AQP11: variants seen among roughly 807,000 people sequenced by gnomAD.
The protein encoded by AQP11 is aquaporin-11.
Under a neutral mutation model 21.1 loss-of-function variants are expected in AQP11, and 20 were observed. That is an observed-to-expected ratio of 0.95 (90% CI 0.67 to 1.38). The LOEUF is 1.38. Among genes scored for constraint, AQP11 ranks in the 40% most tolerant of loss-of-function variants. The pLI is 0.00. For missense variants in AQP11, 339 were observed against 340.4 expected (o/e 1.00, Z 0.03); for synonymous variants, 167 against 150.1 (o/e 1.11, Z -0.82).
At chr11:77,590,725 G>C in intron 1 of AQP11, 114 bp downstream of exon 1, 1 of 1,503,914 alleles carries the variant, frequency 6.6e-7, no homozygotes, top group Non-Finnish European at 8.8e-7. Context: ...GTAAATGCTG[G>C]TATCCCCGTT....
In AQP11 at chr11:77,590,185, C is replaced by T. The variant is rs1958736664; in HGVS notation, c.193C>T (p.Gln65Ter). ...FQLCCCTHEL[Q>*]LLSEQHPAHP... ...GCTCTGCTGCTGCACCCACGAGCTG[C>T]AACTGCTGAGCGAACAGCACCCCGC... The change falls in exon 1 of 3, where the codon CAA becomes TAA. Residue 65 changes from glutamine to a stop codon, truncating the protein, a stop_gained. Transcript: ENST00000313578. LOFTEE classifies it high-confidence loss of function. 1 of 1,600,422 alleles carries T rather than the reference C, an allele frequency of 6.2e-7. No individual in the cohort carries two copies. Among genetic ancestry groups the T allele is most frequent in the African/African-American group, 1.3e-5 (1 of 74,692 alleles).
intron 2 of AQP11, among the ~76,000 whole-genome samples, chr11:77,604,797 G>A (rs528796321): frequency 6.6e-6 from 1 of 152,254 alleles, no homozygotes; most frequent in Admixed American, 6.5e-5. Context: ...GCCTAAACAT[G>A]AAGAATATCA....
Position 77,591,007 on chromosome 11 carries a change from C to T in AQP11, c.619+396C>T, listed in dbSNP as rs1007224847. ...AAAATGATCCTGGCTTTACAAAGTTCCTTTCGATTTAAAGCACAAGGCACA... is the reference window on the plus strand; with the variant it reads ...AAAATGATCCTGGCTTTACAAAGTTTCTTTCGATTTAAAGCACAAGGCACA... On this transcript the variant is annotated intron_variant, in intron 1 of 2. Transcript: ENST00000313578. The T allele has an allele frequency of 6.1e-6, 6 of 985,240 alleles. No homozygotes were observed. In the South Asian group the frequency reaches 1.9e-4, roughly 31 times the overall value. The allele number at this position is 985,240 out of a possible 1,614,324, so 61.0% of individuals were successfully genotyped here.
chr11:77,590,250 G>A lies in AQP11; in HGVS notation c.258G>A (p.Ser86=), dbSNP rs201408406. The change falls in exon 1 of 3, where the codon TCG becomes TCA. Residue 86 remains serine (S), a synonymous_variant. Transcript: ENST00000313578. ...TWTLTLVYFF[S]LVHGLTLVGT... is the part of the protein sequence containing the mutation. Reference sequence around the variant, plus strand: ...CGCTGACGCTCGTCTACTTCTTCTCGCTTGTGCATGGCCTGACTCTGGTGG... The same window carrying A: ...CGCTGACGCTCGTCTACTTCTTCTCACTTGTGCATGGCCTGACTCTGGTGG... 3.1e-6 allele frequency: 5 copies of A among 1,599,558 alleles called. No homozygotes were observed. The African/African-American group carries it at 4.0e-5, about 13-fold the overall frequency.
At position 77,590,942 on chromosome 11, in the gene AQP11, A is replaced by C. The variant is rs561156665; in HGVS notation, c.619+331A>C. Reference sequence around the variant, plus strand: ...TAACTTATTAACTGCCTCTTTCTTCATGCCAAGGTGGTATAGATCGTTTCG... The same window carrying C: ...TAACTTATTAACTGCCTCTTTCTTCCTGCCAAGGTGGTATAGATCGTTTCG... On this transcript the variant is annotated intron_variant, in intron 1 of 2. Transcript: ENST00000313578. 8 of 985,446 alleles carry C rather than the reference A, an allele frequency of 8.1e-6. No homozygotes were observed. The South Asian group carries it at 3.8e-4, about 46-fold the overall frequency. 61.0% of individuals were successfully genotyped at this position (985,446 alleles called of 1,614,324 possible). A position where few individuals can be genotyped will look rare whatever the true frequency, so the allele number is the denominator to read the frequency against.
In AQP11 at chr11:77,609,393, AG is replaced by A. The variant is rs1958864771; in HGVS notation, c.*17del. On this transcript the variant is annotated 3_prime_UTR_variant, in exon 3 of 3. Transcript: ENST00000313578. The stretch of plus-strand genomic sequence containing the variant: ...AAAGGAATAACTGTTCCAAAGACTC[AG>A]ACTAACATACAGGACAGTCCAGCTG... The A allele has an allele frequency of 1.3e-6, 2 of 1,594,184 alleles. No individual in the cohort carries two copies. Among genetic ancestry groups the A allele is most frequent in the Admixed American group, 1.7e-5 (1 of 59,206 alleles).
chr11:77,606,120 T>C (rs879670726), intron 2 of AQP11, among the ~76,000 whole-genome samples: 15 of 151,024 alleles, frequency 9.9e-5, no homozygotes, highest in South Asian at 4.2e-4. Flanking sequence ...TAGAACTGCT[T>C]GAGGCCAGGA....
At chr11:77,603,420 C>T (rs1958826209) in intron 1 of AQP11, 136 bp from the exon 2 acceptor site, 1 of 605,592 alleles carries the variant, frequency 1.7e-6, no homozygotes, top group East Asian at 2.8e-5. Context: ...CTAAAATATG[C>T]CAGGTGATTC....
At chr11:77,595,580 A>C (rs1958773579) in intron 1 of AQP11, among the ~76,000 whole-genome samples, 1 of 152,218 alleles carries the variant, frequency 6.6e-6, no homozygotes, top group Non-Finnish European at 1.5e-5. Context: ...TTTTAGAATA[A>C]GTGAACGAAC....
chr11:77,609,538 A>T lies in AQP11; in HGVS notation c.*161A>T. The T allele has an allele frequency of 4.1e-6, 2 of 487,968 alleles. No homozygotes were observed. The highest frequency in any genetic ancestry group is 3.1e-5 in the East Asian group (1 of 32,096). 30.2% of individuals were successfully genotyped at this position (487,968 alleles called of 1,614,324 possible). On this transcript the variant is annotated 3_prime_UTR_variant, in exon 3 of 3. Coordinates refer to ENST00000313578, the MANE Select transcript of AQP11 (RefSeq NM_173039.3). ...TTCATCACTGGGACTTTAAAAAAAA[A>T]TTACTGTGAAAATGAGGTATTCTGT...
chr11:77,604,295 T>C (rs1590786470), intron 2 of AQP11, among the ~76,000 whole-genome samples: 1 of 152,184 alleles, frequency 6.6e-6, no homozygotes, highest in African/African-American at 2.4e-5. Flanking sequence ...TTTGTATATT[T>C]TGTAGAGATG....
At chr11:77,597,971 C>T (rs2135746856) in intron 1 of AQP11, among the ~76,000 whole-genome samples, 1 of 152,194 alleles carries the variant, frequency 6.6e-6, no homozygotes, top group South Asian at 2.1e-4. Flanking sequence ...GAACTCCTGA[C>T]CTTGTGATCC....
At position 77,598,442 on chromosome 11, in the gene AQP11, C is replaced by T. The variant is rs531080192; in HGVS notation, c.620-5114C>T. ...CTTCAACATGCATGATTGTCATCTC[C>T]CCTTCAAATGTCAATAAATAGTAAC... On this transcript the variant is annotated intron_variant, in intron 1 of 2. Coordinates refer to ENST00000313578, the MANE Select transcript of AQP11 (RefSeq NM_173039.3). Among the ~76,000 whole-genome samples the T allele has an allele frequency of 4.6e-5, 7 of 152,322 alleles. No homozygotes were observed. In the East Asian group the frequency reaches 1.2e-3, roughly 25 times the overall value.
rs897907134 is a variant in AQP11, at chr11:77,590,187, A to G, written c.195A>G (p.Gln65=). 7 of 1,599,974 alleles carry G rather than the reference A, an allele frequency of 4.4e-6. No homozygotes were observed. The highest frequency in any genetic ancestry group is 2.7e-5 in the African/African-American group (2 of 74,666). ...FQLCCCTHEL[Q]LLSEQHPAHP... is the part of the protein sequence containing the mutation. ...TCTGCTGCTGCACCCACGAGCTGCA[A>G]CTGCTGAGCGAACAGCACCCCGCGC... The change falls in exon 1 of 3, where the codon CAA becomes CAG. Residue 65 remains glutamine, a synonymous_variant. Coordinates refer to ENST00000313578, the MANE Select transcript of AQP11 (RefSeq NM_173039.3).
intron 2 of AQP11, 89 bp from the exon 3 acceptor site, chr11:77,609,209 A>T (rs78934647): frequency 0.019 from 16,868 of 883,944 alleles, 215 homozygotes; most frequent in Middle Eastern, 0.026. Flanking sequence ...ACATCTAGGT[A>T]TATAATTGTA....
chr11:77,603,732 G>A lies in AQP11; in HGVS notation c.736+60G>A, dbSNP rs138550347. Reference sequence around the variant, plus strand: ...TAGGGTATTTTAAAATATGATATGTGTATATCATTGTAACATGTCAATTTC... The same window carrying A: ...TAGGGTATTTTAAAATATGATATGTATATATCATTGTAACATGTCAATTTC... On this transcript the variant is annotated intron_variant, in intron 2 of 2. Transcript: ENST00000313578. 325 of 1,175,326 alleles carry A rather than the reference G, an allele frequency of 2.8e-4. 2 individuals are homozygous for A. The African/African-American group carries it at 4.1e-3, about 15-fold the overall frequency. 72.8% of individuals were successfully genotyped at this position (1,175,326 alleles called of 1,614,324 possible).
intron 1 of AQP11, among the ~76,000 whole-genome samples, chr11:77,599,100 T>A: frequency 6.6e-6 from 1 of 151,998 alleles, no homozygotes; most frequent in African/African-American, 2.4e-5. Flanking sequence ...AGGCTGGTCT[T>A]GAACTCCCAG....
chr11:77,609,043 A>G (rs1958862255), intron 2 of AQP11, among the ~76,000 whole-genome samples: 3 of 152,242 alleles, frequency 2.0e-5, no homozygotes, highest in Admixed American at 2.0e-4. Context: ...TACCAAATGC[A>G]TACTGTGTTT....
At chr11:77,600,753 C>T (rs1166529043) in intron 1 of AQP11, among the ~76,000 whole-genome samples, 1 of 152,218 alleles carries the variant, frequency 6.6e-6, no homozygotes, top group East Asian at 1.9e-4. Flanking sequence ...TGGCTCACGC[C>T]TGTAATCCCA....
Sources: gnomAD v4.1 joint callset for allele counts (sites outside exome capture counted in the v4.1 genomes callset) on GRCh38, gnomAD v4.1.1 for gene constraint, MANE v1.5 for transcripts, NCBI Gene and HGNC (gene_info 2026-07-23, HGNC 2026-07-21) for gene names.